SPTLC3: variants seen among roughly 807,000 people sequenced by gnomAD.
SPTLC3 encodes serine palmitoyltransferase long chain base subunit 3, also known as serine palmitoyltransferase 3.
Under a neutral mutation model 59.3 loss-of-function variants are expected in SPTLC3, and 36 were observed. The ratio of observed to expected loss-of-function variants is 0.61; its 90% CI spans 0.47 to 0.80. SPTLC3 has a LOEUF of 0.80. Ranked by LOEUF, SPTLC3 falls within the 30% of genes least tolerant of loss-of-function variation. The probability of loss-of-function intolerance (pLI) is 0.00; values close to 1 mark genes in which losing one functional copy is unlikely to be tolerated. For synonymous variants in SPTLC3, 257 were observed against 240.8 expected (o/e 1.07, Z -0.62); for missense variants, 625 against 685.1 (o/e 0.91, Z 0.98).
At chr20:13,071,355 G>A (rs1314978166) in intron 2 of SPTLC3, among the ~76,000 whole-genome samples, 1 of 152,088 alleles carries the variant, frequency 6.6e-6, no homozygotes, top group African/African-American at 2.4e-5. Context: ...CCTAGAAAAC[G>A]TAGCATTCCT....
intron 8 of SPTLC3, among the ~76,000 whole-genome samples, chr20:13,121,847 C>T (rs903209288): frequency 1.3e-5 from 2 of 152,124 alleles, no homozygotes; most frequent in African/African-American, 4.8e-5. Context: ...GCAAGATAGT[C>T]TTAACATTAA....
At chr20:13,011,007 G>A (rs1186996686) in intron 1 of SPTLC3, among the ~76,000 whole-genome samples, 3 of 152,112 alleles carry the variant, frequency 2.0e-5, no homozygotes, top group Admixed American at 6.6e-5. Flanking sequence ...AAAACATCAG[G>A]GCTGCTGTTG....
chr20:13,111,175 G>A (rs1990211897), intron 7 of SPTLC3, among the ~76,000 whole-genome samples: 1 of 152,052 alleles, frequency 6.6e-6, no homozygotes, highest in African/African-American at 2.4e-5. Flanking sequence ...CCATGGTTAG[G>A]GTTCTGGATG....
rs372427390 is a variant in SPTLC3, at chr20:13,118,111, G to A, written c.1152+386G>A. On this transcript the variant is annotated intron_variant, in intron 8 of 11. Coordinates refer to ENST00000399002, the MANE Select transcript of SPTLC3 (RefSeq NM_018327.4). ...ACACAGAGAGAATAATGTATACCAA[G>A]CCAGAAGTGATAAGGGATGTTCTGA... Among the ~76,000 whole-genome samples, 50 of 152,220 alleles carry A rather than the reference G, an allele frequency of 3.3e-4. 1 individual carries two copies. Among genetic ancestry groups the A allele is most frequent in the African/African-American group, 8.4e-4 (35 of 41,564 alleles).
chr20:13,023,889 C>T (rs2122399396), intron 1 of SPTLC3, among the ~76,000 whole-genome samples: 1 of 152,208 alleles, frequency 6.6e-6, no homozygotes, highest in East Asian at 1.9e-4. Flanking sequence ...ATGAAATATG[C>T]CTGGATTAGA....
Position 13,117,624 on chromosome 20 carries a change from G to A in SPTLC3, c.1051G>A (p.Val351Ile). 1 of 1,614,100 alleles carries A rather than the reference G, an allele frequency of 6.2e-7. No homozygotes were observed. Among genetic ancestry groups the A allele is most frequent in the Non-Finnish European group, 8.5e-7 (1 of 1,179,962 alleles). ...GGCCGTGGGCCCAACCGGCCGGGGT[G>A]TCACGGAGTTCTTTGGACTAGACCC... The part of the protein sequence containing the change: ...IGAVGPTGRG[V>I]TEFFGLDPHE... The change falls in exon 8 of 12, where the codon GTC (valine) becomes ATC (isoleucine). Residue 351 changes from valine (V) to isoleucine (I), a missense_variant. By Grantham distance (29) the Val-to-Ile change is conservative (BLOSUM62 3). Coordinates refer to ENST00000399002, the MANE Select transcript of SPTLC3 (RefSeq NM_018327.4).
At chr20:13,105,989 T>C (rs1009736201) in intron 6 of SPTLC3, among the ~76,000 whole-genome samples, 1 of 152,158 alleles carries the variant, frequency 6.6e-6, no homozygotes, top group Non-Finnish European at 1.5e-5. Context: ...GAAAGTTTAT[T>C]AACTGAAAAT....
chr20:13,063,593 T>C (rs1280006206), intron 2 of SPTLC3, among the ~76,000 whole-genome samples: 1 of 151,830 alleles, frequency 6.6e-6, no homozygotes, highest in African/African-American at 2.4e-5. Context: ...TTTATTTCTA[T>C]GTGCTGTCTG....
rs569438999 is a variant in SPTLC3 at position 13,135,252 on chromosome 20, T to G, written c.1279+8535T>G. ...AAAGGAAATCCACAATGGGCAACAC[T>G]GCTAGGTGTTGATTTATCATAGGAT... On this transcript the variant is annotated intron_variant, in intron 9 of 11. Coordinates refer to ENST00000399002, the MANE Select transcript of SPTLC3 (RefSeq NM_018327.4). Among the ~76,000 whole-genome samples, 77 of 152,228 alleles carry G rather than the reference T, an allele frequency of 5.1e-4. 1 individual carries two copies. The highest frequency in any genetic ancestry group is 1.8e-4 in the Non-Finnish European group (12 of 68,036).
chr20:13,087,300 G>T (rs537528913), intron 4 of SPTLC3, among the ~76,000 whole-genome samples: 2 of 152,312 alleles, frequency 1.3e-5, no homozygotes, highest in Non-Finnish European at 2.9e-5. Flanking sequence ...GATTAACGGT[G>T]GAGAAAGACA....
rs538791076 is a variant in SPTLC3, at chr20:13,146,940, A to C, written c.1280-7063A>C. ...ATGATCTCCAAGCCTCTGTTTCCTCATCTGTGAAGTGGGCCCAAAAAGCCA... is the reference window on the plus strand; with the variant it reads ...ATGATCTCCAAGCCTCTGTTTCCTCCTCTGTGAAGTGGGCCCAAAAAGCCA... On this transcript the variant is annotated intron_variant, in intron 9 of 11. Coordinates refer to ENST00000399002, the MANE Select transcript of SPTLC3 (RefSeq NM_018327.4). 2.2e-4 allele frequency among the ~76,000 whole-genome samples: 34 copies of C among 152,306 alleles called. No homozygotes were observed. In the South Asian group the frequency reaches 7.1e-3, roughly 32 times the overall value.
At chr20:13,105,093 C>T (rs550901593) in intron 6 of SPTLC3, among the ~76,000 whole-genome samples, 1 of 152,234 alleles carries the variant, frequency 6.6e-6, no homozygotes, top group East Asian at 1.9e-4. Context: ...ATCACAATCC[C>T]TTAAATCTGC....
intron 2 of SPTLC3, among the ~76,000 whole-genome samples, chr20:13,053,176 G>A (rs1987569590): frequency 6.6e-6 from 1 of 152,154 alleles, no homozygotes; most frequent in South Asian, 2.1e-4. Flanking sequence ...GGCCCTCTGG[G>A]ATGAAGCTTC....
intron 2 of SPTLC3, among the ~76,000 whole-genome samples, chr20:13,052,725 C>T (rs1987548839): frequency 6.6e-6 from 1 of 152,186 alleles, no homozygotes; most frequent in Non-Finnish European, 1.5e-5. Context: ...TCCACCATTA[C>T]TGAGGCTTGA....
chr20:13,028,933 C>T (rs1986291183), intron 1 of SPTLC3, among the ~76,000 whole-genome samples: 1 of 152,160 alleles, frequency 6.6e-6, no homozygotes, highest in South Asian at 2.1e-4. Context: ...CAGGTATAGT[C>T]ACTTGCCCAA....
chr20:13,101,251 T>A (rs1326115723), intron 6 of SPTLC3, among the ~76,000 whole-genome samples: 1 of 152,202 alleles, frequency 6.6e-6, no homozygotes, highest in Non-Finnish European at 1.5e-5. Context: ...AAGAATGGCC[T>A]GTGTTTGCAT....
In SPTLC3 at chr20:13,011,348, G is replaced by A. The variant is rs189707214; in HGVS notation, c.117+1964G>A. ...AAGGCTTACAGAATCCTAGGCTGCT[G>A]GTCTCCCAAACACGTTCTGCCTGGC... On this transcript the variant is annotated intron_variant, in intron 1 of 11. Coordinates refer to ENST00000399002, the MANE Select transcript of SPTLC3 (RefSeq NM_018327.4). Among the ~76,000 whole-genome samples, 7 of 152,236 alleles carry A rather than the reference G, an allele frequency of 4.6e-5. No individual in the cohort carries two copies. The East Asian group carries it at 1.4e-3, about 29-fold the overall frequency.
chr20:13,158,434 T>G (rs538366734), intron 10 of SPTLC3, among the ~76,000 whole-genome samples: 1 of 152,146 alleles, frequency 6.6e-6, no homozygotes, highest in Non-Finnish European at 1.5e-5. Flanking sequence ...AAAACGTGCT[T>G]CCTTTGGCAC....
intron 1 of SPTLC3, among the ~76,000 whole-genome samples, chr20:13,032,933 A>G (rs1221137651): frequency 6.6e-6 from 1 of 152,162 alleles, no homozygotes; most frequent in Non-Finnish European, 1.5e-5. Context: ...ATATAGGAAA[A>G]CTTGACCCCT....
Sources: allele counts gnomAD v4.1 joint callset (sites outside exome capture counted in the v4.1 genomes callset), GRCh38; gene constraint gnomAD v4.1.1; transcripts MANE v1.5; gene names NCBI Gene and HGNC (gene_info 2026-07-23, HGNC 2026-07-21).